The following FBXL17 variants were observed in gnomAD, a reference collection of about 807,000 sequenced individuals.
FBXL17 encodes the protein F-box/LRR-repeat protein 17.
Under a neutral mutation model 66.2 loss-of-function variants are expected in FBXL17, and 22 were observed. The ratio of observed to expected loss-of-function variants is 0.33; its 90% CI spans 0.24 to 0.47. The LOEUF (loss-of-function observed/expected upper bound fraction) is 0.47. Ranked by LOEUF, FBXL17 falls within the 20% of genes least tolerant of loss-of-function variation. The pLI, the probability that FBXL17 is intolerant of heterozygous loss-of-function variation, is 1.00. For synonymous variants in FBXL17, 474 were observed against 400.5 expected (o/e 1.18, Z -2.19); for missense variants, 878 against 948.2 (o/e 0.93, Z 0.97).
chr5:108,041,325 T>G (rs1040036763), intron 6 of FBXL17, among the ~76,000 whole-genome samples: 8 of 152,228 alleles, frequency 5.3e-5, no homozygotes, highest in African/African-American at 1.9e-4. Context: ...GGATTTCTCA[T>G]GTCGCAAGGC....
chr5:107,977,018 A>T (rs1752605815), intron 7 of FBXL17, among the ~76,000 whole-genome samples: 1 of 152,194 alleles, frequency 6.6e-6, no homozygotes, highest in Non-Finnish European at 1.5e-5. Context: ...TCTGCTATTT[A>T]AGTACCAAAT....
intron 6 of FBXL17, among the ~76,000 whole-genome samples, chr5:108,026,861 C>T (rs192467859): frequency 3.9e-5 from 6 of 152,256 alleles, no homozygotes; most frequent in Admixed American, 1.3e-4. Flanking sequence ...TTTAATGAGA[C>T]ACATCACAAG....
At chr5:108,177,024 G>C (rs1752818828) in intron 6 of FBXL17, among the ~76,000 whole-genome samples, 1 of 152,064 alleles carries the variant, frequency 6.6e-6, no homozygotes, top group African/African-American at 2.4e-5. Context: ...CTTTTTAATT[G>C]AAAGACAACT....
intron 6 of FBXL17, among the ~76,000 whole-genome samples, chr5:108,032,014 T>C (rs1746661936): frequency 6.6e-6 from 1 of 152,184 alleles, no homozygotes; most frequent in Non-Finnish European, 1.5e-5. Flanking sequence ...AAACATTTGC[T>C]AACATCTACT....
intron 6 of FBXL17, among the ~76,000 whole-genome samples, chr5:108,183,634 G>A (rs1753100558): frequency 1.3e-5 from 2 of 152,126 alleles, no homozygotes; most frequent in Non-Finnish European, 2.9e-5. Context: ...GAATTCTACA[G>A]TGGTGAGGTA....
At chr5:108,062,058 A>G (rs1478345606) in intron 6 of FBXL17, among the ~76,000 whole-genome samples, 1 of 152,140 alleles carries the variant, frequency 6.6e-6, no homozygotes, top group Non-Finnish European at 1.5e-5. Flanking sequence ...AGAAGCACAA[A>G]TGAGTAACAA....
intron 7 of FBXL17, among the ~76,000 whole-genome samples, chr5:107,928,402 C>T (rs925707626): frequency 2.0e-5 from 3 of 149,058 alleles, no homozygotes; most frequent in African/African-American, 7.3e-5. Flanking sequence ...TTCCAAGAGA[C>T]AAAAAGCTAC....
intron 3 of FBXL17, among the ~76,000 whole-genome samples, chr5:108,355,268 A>AT (rs1017472359): frequency 7.9e-6 from 1 of 126,612 alleles, no homozygotes; most frequent in Non-Finnish European, 1.5e-5. Flanking sequence ...AACTTTATTT[A>AT]TTTATTTATT....
chr5:108,279,573 T>C (rs941419045), intron 4 of FBXL17, among the ~76,000 whole-genome samples: 1 of 148,108 alleles, frequency 6.8e-6, no homozygotes, highest in Non-Finnish European at 1.5e-5. Flanking sequence ...AAAAGTAATA[T>C]GACACCCCTA....
At chr5:107,993,935 C>A (rs73204799) in intron 7 of FBXL17, among the ~76,000 whole-genome samples, 7 of 152,278 alleles carry the variant, frequency 4.6e-5, no homozygotes, top group African/African-American at 1.7e-4. Flanking sequence ...TAAGAATATA[C>A]ATTCCCCTCA....
intron 5 of FBXL17, among the ~76,000 whole-genome samples, chr5:108,192,740 C>T (rs893832335): frequency 1.3e-5 from 2 of 151,884 alleles, no homozygotes; most frequent in African/African-American, 2.4e-5. Flanking sequence ...TGCAGTGAGC[C>T]GAGATCGCAC....
At chr5:108,117,529 A>C (rs1000239586) in intron 6 of FBXL17, among the ~76,000 whole-genome samples, 6 of 152,206 alleles carry the variant, frequency 3.9e-5, no homozygotes, top group Non-Finnish European at 7.3e-5. Context: ...ATTTTTAAAA[A>C]TGTTAATTAC....
intron 4 of FBXL17, among the ~76,000 whole-genome samples, chr5:108,333,717 T>C (rs1760243904): frequency 6.6e-6 from 1 of 152,074 alleles, no homozygotes; most frequent in South Asian, 2.1e-4. Context: ...ACTCTAAAGA[T>C]GAAAGGGCAG....
chr5:108,134,365 A>T (rs1751051116), intron 6 of FBXL17, among the ~76,000 whole-genome samples: 1 of 152,070 alleles, frequency 6.6e-6, no homozygotes, highest in Non-Finnish European at 1.5e-5. Flanking sequence ...TTCCCTATTC[A>T]CTTTGTCTGG....
At chr5:107,889,728 C>G (rs576540069) in intron 7 of FBXL17, among the ~76,000 whole-genome samples, 13 of 152,168 alleles carry the variant, frequency 8.5e-5, no homozygotes, top group Non-Finnish European at 1.3e-4. Flanking sequence ...AAAGTCAGTT[C>G]AAGTGAAGAA....
At position 108,357,673 on chromosome 5, in the gene FBXL17, A is replaced by C. The variant is rs375227626; in HGVS notation, c.1374+7065T>G. Reference sequence around the variant, plus strand: ...TAGAAATAAAATAAAAATCGATTACAGGAAAATGACGAAAATACTCCCAAA... The same window carrying C: ...TAGAAATAAAATAAAAATCGATTACCGGAAAATGACGAAAATACTCCCAAA... On this transcript the variant is annotated intron_variant, in intron 3 of 8. Transcript: ENST00000542267. Among the ~76,000 whole-genome samples the C allele has an allele frequency of 3.2e-4, 48 of 152,128 alleles. 1 individual carries two copies. The South Asian group carries it at 9.7e-3, about 31-fold the overall frequency.
intron 6 of FBXL17, among the ~76,000 whole-genome samples, chr5:108,181,045 CTTA>C (rs1752982019): frequency 2.0e-5 from 3 of 152,096 alleles, no homozygotes; most frequent in South Asian, 2.1e-4. Flanking sequence ...TTATTTAATT[CTTA>C]TTAACAAAAA....
At chr5:108,076,131 G>GGTCA (rs1305523538) in intron 6 of FBXL17, among the ~76,000 whole-genome samples, 1 of 152,196 alleles carries the variant, frequency 6.6e-6, no homozygotes, top group Admixed American at 6.5e-5. Flanking sequence ...GATGTTTTAA[G>GGTCA]GTCACAGTAT....
At chr5:108,259,236 T>C (rs1362200726) in intron 4 of FBXL17, among the ~76,000 whole-genome samples, 2 of 152,212 alleles carry the variant, frequency 1.3e-5, no homozygotes, top group South Asian at 2.1e-4. Flanking sequence ...GTTAAAAATA[T>C]ATATACCACA....
Sources: gnomAD v4.1 joint callset for allele counts (sites outside exome capture counted in the v4.1 genomes callset) on GRCh38, gnomAD v4.1.1 for gene constraint, MANE v1.5 for transcripts, NCBI Gene and HGNC (gene_info 2026-07-23, HGNC 2026-07-21) for gene names.